EXT1: variants seen among roughly 807,000 people sequenced by gnomAD.
EXT1 encodes exostosin-1.
In EXT1, 20 loss-of-function variants were observed where a neutral mutation model predicts 82.5. That is an observed-to-expected ratio of 0.24 (90% CI 0.17 to 0.35). The LOEUF (loss-of-function observed/expected upper bound fraction) is 0.35, where lower values mean the gene tolerates loss of function less well. Ranked by LOEUF, EXT1 falls within the 10% of genes least tolerant of loss-of-function variation. EXT1 has a pLI of 1.00. For synonymous variants in EXT1, 348 were observed against 350.8 expected, an observed-to-expected ratio of 0.99 and a Z score of 0.09; for missense variants, 757 against 936.5, an observed-to-expected ratio of 0.81 and a Z score of 2.50.
chr8:117,839,951 A>G (rs1204558318), intron 1 of EXT1, among the ~76,000 whole-genome samples: 1 of 152,246 alleles, frequency 6.6e-6, no homozygotes. Flanking sequence ...TTTAAGATAT[A>G]AACATCTCCT....
chr8:118,108,994 T>C (rs1226823117), intron 1 of EXT1, among the ~76,000 whole-genome samples: 1 of 152,162 alleles, frequency 6.6e-6, no homozygotes, highest in Admixed American at 6.6e-5. Context: ...AAATGCACTG[T>C]AGGAACTCAC....
chr8:117,930,896 C>T (rs985330169), intron 1 of EXT1, among the ~76,000 whole-genome samples: 85 of 152,214 alleles, frequency 5.6e-4, no homozygotes, highest in African/African-American at 2.0e-3. Context: ...AAGGTGACCT[C>T]TAGTCATCCT....
In EXT1 at chr8:117,968,632, T is replaced by G. The variant is rs1414472986; in HGVS notation, c.963-131431A>C. On this transcript the variant is annotated intron_variant, in intron 1 of 10. Transcript: ENST00000378204. ...TCACCCAGGCTGGAGTGCAGTGGCT[T>G]GATCTCGGCTCACTGCAAGCTCCAC... Among the ~76,000 whole-genome samples the G allele has an allele frequency of 7.5e-5, 5 of 66,296 alleles. 1 individual carries two copies. In the East Asian group the frequency reaches 1.6e-3, roughly 21 times the overall value. 43.5% of individuals were successfully genotyped at this position (66,296 alleles called of 152,430 possible). A position where few individuals can be genotyped will look rare whatever the true frequency, so the allele number is the denominator to read the frequency against.
chr8:117,874,716 T>A (rs1451097300), intron 1 of EXT1, among the ~76,000 whole-genome samples: 1 of 152,066 alleles, frequency 6.6e-6, no homozygotes, highest in Non-Finnish European at 1.5e-5. Flanking sequence ...CTACTGACAA[T>A]GTGAGCTTCA....
rs1480364899 is a variant in EXT1, at chr8:117,817,642, G to A, written c.1632+793C>T. On this transcript the variant is annotated intron_variant, in intron 7 of 10. Transcript: ENST00000378204. ...ACAAGCAGAGATGATGAGTTGAGGG[G>A]TGGTCAAGACTTACAAATGGCAAAG... Among the ~76,000 whole-genome samples the A allele has an allele frequency of 8.5e-5, 13 of 152,104 alleles. No individual in the cohort carries two copies. In the East Asian group the frequency reaches 2.3e-3, roughly 27 times the overall value.
chr8:117,897,618 A>G (rs1813367078), intron 1 of EXT1, among the ~76,000 whole-genome samples: 1 of 63,450 alleles, frequency 1.6e-5, no homozygotes, highest in South Asian at 5.1e-4. Flanking sequence ...TTTTTGAGAC[A>G]GAGTCTCGCT....
At chr8:118,000,904 T>TA (rs1815652409) in intron 1 of EXT1, among the ~76,000 whole-genome samples, 2 of 152,240 alleles carry the variant, frequency 1.3e-5, no homozygotes, top group African/African-American at 4.8e-5. Context: ...TCTTCACAAT[T>TA]AAAACTGGGG....
intron 5 of EXT1, 64 bp from the exon 6 acceptor site, chr8:117,819,858 C>T (rs140763789): frequency 1.4e-6 from 2 of 1,451,596 alleles, no homozygotes; most frequent in East Asian, 2.3e-5. Context: ...AAAATTACTC[C>T]TCCTTGCTCC....
intron 1 of EXT1, 70 bp from the exon 2 acceptor site, chr8:117,837,271 G>T (rs1812203326): frequency 7.8e-7 from 1 of 1,290,032 alleles, no homozygotes; most frequent in Middle Eastern, 1.8e-4. Context: ...ACCATAGGTG[G>T]GCGCCCATGT....
chr8:117,817,820 G>C (rs1292999086), intron 7 of EXT1, among the ~76,000 whole-genome samples: 1 of 152,198 alleles, frequency 6.6e-6, no homozygotes, highest in Non-Finnish European at 1.5e-5. Context: ...ATGTTAATTG[G>C]AAGCACTAGC....
chr8:117,939,172 C>A (rs1443241135), intron 1 of EXT1, among the ~76,000 whole-genome samples: 1 of 152,296 alleles, frequency 6.6e-6, no homozygotes, highest in Middle Eastern at 3.4e-3. Context: ...GCATTCATAA[C>A]AACAGCCAAC....
In EXT1 at chr8:117,799,853, C is replaced by T. The variant is rs747703304; in HGVS notation, c.2100G>A (p.Gln700=). The change falls in exon 11 of 11, where the codon CAG becomes CAA. Residue 700 remains glutamine, a synonymous_variant. Coordinates refer to ENST00000378204, the MANE Select transcript of EXT1 (RefSeq NM_000127.3). ...SRWADPDHFA[Q]RQSCMNTFAS... Reference sequence around the variant, plus strand: ...CAAACGTATTCATGCAGCTCTGTCGCTGGGCAAAGTGGTCAGGGTCAGCCC... The same window carrying T: ...CAAACGTATTCATGCAGCTCTGTCGTTGGGCAAAGTGGTCAGGGTCAGCCC... 2.6e-5 allele frequency: 42 copies of T among 1,614,036 alleles called. No homozygotes were observed. In the Admixed American group the frequency reaches 7.0e-4, roughly 27 times the overall value.
intron 9 of EXT1, 133 bp from the exon 10 acceptor site, chr8:117,805,026 T>C (rs932597802): frequency 1.9e-5 from 15 of 804,774 alleles, no homozygotes; most frequent in Non-Finnish European, 2.9e-5. Flanking sequence ...ATGATGATGA[T>C]GATGACGATA....
chr8:117,916,801 G>A (rs1813762207), intron 1 of EXT1, among the ~76,000 whole-genome samples: 1 of 152,024 alleles, frequency 6.6e-6, no homozygotes, highest in South Asian at 2.1e-4. Flanking sequence ...CAGCTACTCG[G>A]GAGACTGAGG....
chr8:117,938,567 G>C (rs1363235557), intron 1 of EXT1, among the ~76,000 whole-genome samples: 2 of 152,172 alleles, frequency 1.3e-5, no homozygotes, highest in African/African-American at 4.8e-5. Flanking sequence ...GCTTATGGCT[G>C]GAACACTGGA....
At position 117,870,547 on chromosome 8, in the gene EXT1, T is replaced by A. The variant is rs1260448434; in HGVS notation, c.963-33346A>T. On this transcript the variant is annotated intron_variant, in intron 1 of 10. Coordinates refer to ENST00000378204, the MANE Select transcript of EXT1 (RefSeq NM_000127.3). ...CATTTGTTTCCAAATTCTAGCAAGT[T>A]GTCCATCAGTCTGTACTATTTACCC... Among the ~76,000 whole-genome samples, 4 of 150,468 alleles carry A rather than the reference T, an allele frequency of 2.7e-5. No individual in the cohort carries two copies. The East Asian group carries it at 5.8e-4, about 22-fold the overall frequency.
chr8:117,952,469 CA>C (rs1247560963), intron 1 of EXT1, among the ~76,000 whole-genome samples: 12 of 152,140 alleles, frequency 7.9e-5, no homozygotes, highest in Non-Finnish European at 1.3e-4. Context: ...AATCAACCCT[CA>C]AAAAATATGG....
intron 1 of EXT1, among the ~76,000 whole-genome samples, chr8:117,842,667 C>T (rs1812291311): frequency 1.3e-5 from 2 of 152,164 alleles, no homozygotes; most frequent in Non-Finnish European, 2.9e-5. Flanking sequence ...ACACCAGTAT[C>T]CCAAAGACAG....
At chr8:118,095,884 A>T (rs368600530) in intron 1 of EXT1, among the ~76,000 whole-genome samples, 1 of 152,184 alleles carries the variant, frequency 6.6e-6, no homozygotes, top group East Asian at 1.9e-4. Context: ...TCTACAAACT[A>T]AACAAACAAG....
Sources: allele counts gnomAD v4.1 joint callset (sites outside exome capture counted in the v4.1 genomes callset), GRCh38; gene constraint gnomAD v4.1.1; transcripts MANE v1.5; gene names NCBI Gene and HGNC (gene_info 2026-07-23, HGNC 2026-07-21).